Variants in FAM193A observed in about 807,000 individuals in gnomAD.
FAM193A encodes family with sequence similarity 193 member A.
FAM193A carries 22 observed loss-of-function variants against 126.5 expected under a neutral mutation model. The ratio of observed to expected loss-of-function variants is 0.17; its 90% CI spans 0.12 to 0.25. The LOEUF (loss-of-function observed/expected upper bound fraction) is 0.25. FAM193A is among the 10% of genes least tolerant of loss of function. FAM193A has a pLI of 1.00. For missense variants in FAM193A, 1,675 were observed against 1,672.8 expected, an observed-to-expected ratio of 1.00 and a Z score of -0.02; for synonymous variants, 761 against 646.8, an observed-to-expected ratio of 1.18 and a Z score of -2.68.
rs1738955764 is a variant in FAM193A at position 2,566,438 on chromosome 4, C to T, written c.255+29268C>T. On this transcript the variant is annotated intron_variant, in intron 1 of 20. Transcript: ENST00000637812. Reference sequence around the variant, plus strand: ...GTTGCGGTGGCTCACACCTGTAATCCCAACGCTTTGTGAGGATGAGGCGGA... The same window carrying T: ...GTTGCGGTGGCTCACACCTGTAATCTCAACGCTTTGTGAGGATGAGGCGGA... Among the ~76,000 whole-genome samples the T allele has an allele frequency of 2.0e-5, 3 of 152,004 alleles. No homozygotes were observed. In the East Asian group the frequency reaches 5.8e-4, roughly 29 times the overall value.
intron 2 of FAM193A, among the ~76,000 whole-genome samples, chr4:2,613,811 G>T (rs1272190653): frequency 6.3e-5 from 9 of 143,186 alleles, no homozygotes; most frequent in Non-Finnish European, 1.2e-4. Flanking sequence ...TTGTAGCCCA[G>T]GCTGGAGTGT....
In FAM193A at chr4:2,700,277, G is replaced by A. The variant is rs768320657; in HGVS notation, c.4105G>A (p.Ala1369Thr). The change falls in exon 19 of 21, where the codon GCC (alanine) becomes ACC (threonine). Residue 1369 changes from alanine to threonine, a missense_variant. Physicochemically the swap from Ala to Thr is moderately conservative, Grantham distance 58 (BLOSUM62 0). This residue lies in a region of FAM193A where 415 missense variants were observed against 396.7 expected (regional missense o/e 1.05). Transcript: ENST00000637812. ...CACAGAGGGGCAGTCCAAGCCCCGG[G>A]CCCAGACTGAGTCAAAGGCTAAGGT... ...KATEGQSKPR[A>T]QTESKAKVVD... 2 of 1,614,078 alleles carry A rather than the reference G, an allele frequency of 1.2e-6. No individual in the cohort carries two copies. Among genetic ancestry groups the A allele is most frequent in the Non-Finnish European group, 1.7e-6 (2 of 1,180,028 alleles).
chr4:2,554,337 C>A (rs1413008275), intron 1 of FAM193A, among the ~76,000 whole-genome samples: 1 of 152,098 alleles, frequency 6.6e-6, no homozygotes, highest in African/African-American at 2.4e-5. Flanking sequence ...CCCCGCTCAG[C>A]CTCCCAAAGT....
Position 2,732,073 on chromosome 4 carries a change from G to A in FAM193A, c.*205G>A, listed in dbSNP as rs545998837. On this transcript the variant is annotated 3_prime_UTR_variant, in exon 21 of 21. Transcript: ENST00000637812. ...TGTAGTCTGTGCGTGAGACTCCTTC[G>A]ATTGTAGCTCTGTGCTGTCGGATTG... 2.0e-5 allele frequency: 12 copies of A among 587,460 alleles called. No homozygotes were observed. Among genetic ancestry groups the A allele is most frequent in the South Asian group, 5.8e-5 (3 of 51,578 alleles). The allele number at this position is 587,460 out of a possible 1,614,324, so 36.4% of individuals were successfully genotyped here. A position where few individuals can be genotyped will look rare whatever the true frequency, so the allele number is the denominator to read the frequency against.
intron 12 of FAM193A, among the ~76,000 whole-genome samples, chr4:2,671,780 G>A (rs1396522392): frequency 6.6e-6 from 1 of 152,212 alleles, no homozygotes; most frequent in Non-Finnish European, 1.5e-5. Flanking sequence ...GTGGAGCACA[G>A]CCATCCCCTC....
intron 1 of FAM193A, among the ~76,000 whole-genome samples, chr4:2,548,863 T>C (rs1353359786): frequency 6.6e-6 from 1 of 152,094 alleles, no homozygotes; most frequent in Non-Finnish European, 1.5e-5. Context: ...ATCTCTGTTT[T>C]AGCTCAAGGT....
intron 1 of FAM193A, among the ~76,000 whole-genome samples, chr4:2,580,085 T>C (rs1223060524): frequency 6.6e-6 from 1 of 152,072 alleles, no homozygotes; most frequent in Non-Finnish European, 1.5e-5. Flanking sequence ...ATATACACCA[T>C]GGAATACTAT....
At chr4:2,572,496 CTGTA>C (rs1458542464) in intron 1 of FAM193A, among the ~76,000 whole-genome samples, 1 of 152,114 alleles carries the variant, frequency 6.6e-6, no homozygotes, top group Non-Finnish European at 1.5e-5. Flanking sequence ...CCTAGGGACA[CTGTA>C]TGTCCTCCTG....
Position 2,553,666 on chromosome 4 carries a change from C to T in FAM193A, c.255+16496C>T, listed in dbSNP as rs1738083704. 2.0e-5 allele frequency among the ~76,000 whole-genome samples: 3 copies of T among 152,060 alleles called. No individual in the cohort carries two copies. The South Asian group carries it at 6.2e-4, about 32-fold the overall frequency. ...AGTGCTGGGATTACAGGCGTGACTT[C>T]TCCTTTGACTTACAGTTTATTTAGA... On this transcript the variant is annotated intron_variant, in intron 1 of 20. Transcript: ENST00000637812.
intron 12 of FAM193A, 134 bp downstream of exon 12, chr4:2,663,422 A>C: frequency 1.6e-6 from 1 of 633,780 alleles, no homozygotes. Context: ...GAGTCAAGGC[A>C]TACTTACAAT....
At chr4:2,615,607 C>G (rs960601668) in intron 2 of FAM193A, among the ~76,000 whole-genome samples, 2 of 152,120 alleles carry the variant, frequency 1.3e-5, no homozygotes, top group African/African-American at 4.8e-5. Flanking sequence ...CAACCTCTGC[C>G]TCCCGGGTTC....
At chr4:2,590,706 T>C (rs933849968) in intron 1 of FAM193A, among the ~76,000 whole-genome samples, 1 of 151,688 alleles carries the variant, frequency 6.6e-6, no homozygotes, top group African/African-American at 2.4e-5. Flanking sequence ...AATTTTGTAG[T>C]ATAATGAATA....
In FAM193A at chr4:2,693,597, C is replaced by A. The variant is rs770582812; in HGVS notation, c.2815C>A (p.His939Asn). 26 of 1,610,050 alleles carry A rather than the reference C, an allele frequency of 1.6e-5. No homozygotes were observed. Among genetic ancestry groups the A allele is most frequent in the Non-Finnish European group, 8.5e-7 (1 of 1,176,842 alleles). The change falls in exon 16 of 21, where the codon CAT (histidine) becomes AAT (asparagine). Residue 939 changes from histidine (H) to asparagine (N), a missense_variant. Coordinates refer to ENST00000637812, the MANE Select transcript of FAM193A (RefSeq NM_001366318.2). The stretch of plus-strand genomic sequence containing the variant: ...CTCTCTAAATGCAGGTGACGTGTTT[C>A]ATGGCATCAGCAAGGAGGACCACAG... The part of the protein sequence containing the change: ...KRPPSVGDVF[H>N]GISKEDHRHS...
intron 1 of FAM193A, among the ~76,000 whole-genome samples, chr4:2,560,168 C>G (rs186999541): frequency 2.6e-5 from 4 of 152,180 alleles, no homozygotes; most frequent in African/African-American, 9.6e-5. Context: ...GTCTCAAACT[C>G]CCGACCTCAG....
chr4:2,561,119 T>A (rs1202594825), intron 1 of FAM193A, among the ~76,000 whole-genome samples: 2 of 152,252 alleles, frequency 1.3e-5, no homozygotes, highest in Admixed American at 6.5e-5. Flanking sequence ...CTGTAGGTTA[T>A]TCTATGTTGA....
chr4:2,728,554 C>CT (rs1169775161), intron 20 of FAM193A, among the ~76,000 whole-genome samples: 2 of 152,084 alleles, frequency 1.3e-5, no homozygotes, highest in African/African-American at 4.8e-5. Flanking sequence ...GCTAGCAAGA[C>CT]TTTCTTTAAG....
chr4:2,564,762 G>A (rs1450571363), intron 1 of FAM193A, among the ~76,000 whole-genome samples: 1 of 152,056 alleles, frequency 6.6e-6, no homozygotes, highest in Admixed American at 6.6e-5. Flanking sequence ...TGATGGTGTG[G>A]GGGTTTGCTC....
chr4:2,640,068 A>G (rs1744463259), intron 6 of FAM193A, among the ~76,000 whole-genome samples: 1 of 152,216 alleles, frequency 6.6e-6, no homozygotes, highest in African/African-American at 2.4e-5. Flanking sequence ...TATAAATGCT[A>G]CTAAGATTTA....
At chr4:2,684,595 C>T (rs1443665917) in intron 13 of FAM193A, among the ~76,000 whole-genome samples, 2 of 152,150 alleles carry the variant, frequency 1.3e-5, no homozygotes, top group African/African-American at 4.8e-5. Flanking sequence ...GTGAGAACCA[C>T]AGCCCTCCAT....
Sources: allele counts gnomAD v4.1 joint callset (sites outside exome capture counted in the v4.1 genomes callset), GRCh38; gene constraint gnomAD v4.1.1; regional missense constraint gnomAD v4.1.1; transcripts MANE v1.5; gene names NCBI Gene and HGNC (gene_info 2026-07-23, HGNC 2026-07-21).